Variants in ARHGEF26 observed in about 807,000 individuals in gnomAD.
The protein encoded by ARHGEF26 is Rho guanine nucleotide exchange factor 26, also known as Rho guanine nucleotide exchange factor (GEF) 26.
ARHGEF26 carries 59 observed loss-of-function variants against 89.4 expected under a neutral mutation model. The observed-to-expected ratio is 0.66, with a 90% CI of 0.54 to 0.82. The LOEUF (loss-of-function observed/expected upper bound fraction) is 0.82, where lower values mean the gene tolerates loss of function less well. Ranked by LOEUF, ARHGEF26 falls within the 40% of genes least tolerant of loss-of-function variation. ARHGEF26 has a pLI of 0.00. For synonymous variants in ARHGEF26, 500 were observed against 428.4 expected, an observed-to-expected ratio of 1.17 and a Z score of -2.06; for missense variants, 1,234 against 1,085.6, an observed-to-expected ratio of 1.14 and a Z score of -1.92.
At chr3:154,247,758 G>A (rs1177101875) in intron 12 of ARHGEF26, among the ~76,000 whole-genome samples, 1 of 152,110 alleles carries the variant, frequency 6.6e-6, no homozygotes, top group Non-Finnish European at 1.5e-5. Context: ...TTGCTATTAA[G>A]GATTCAGTCA....
In ARHGEF26 at chr3:154,122,609, C is replaced by T. The variant is rs1718043377; in HGVS notation, c.617C>T (p.Pro206Leu). The T allele has an allele frequency of 6.2e-7, 1 of 1,613,744 alleles. No individual in the cohort carries two copies. The highest frequency in any genetic ancestry group is 1.1e-5 in the South Asian group (1 of 91,082). ...CCCGAACGGGGGCTCTTTCCTGGGC[C>T]CCAGAAAAGTTCTTCGGAACAAAAA... ...KDPERGLFPG[P>L]QKSSSEQKLP... Residue 206 changes from proline to leucine, a missense_variant, in exon 2 of 15, where the codon CCC becomes CTC. Pro to Leu is a moderately conservative substitution (Grantham distance 98). Coordinates refer to ENST00000465093, the MANE Select transcript of ARHGEF26 (RefSeq NM_015595.4).
At position 154,162,776 on chromosome 3, in the gene ARHGEF26, A is replaced by G. The variant is rs577458657; in HGVS notation, c.1487+9844A>G. Among the ~76,000 whole-genome samples the G allele has an allele frequency of 9.2e-5, 14 of 152,270 alleles. No individual in the cohort carries two copies. The South Asian group carries it at 2.7e-3, about 29-fold the overall frequency. Reference sequence around the variant, plus strand: ...TTACCTCGCCCCCTGAGCTGCCGAGATAGGCTCTGGCCAGGTGTGACCCTG... The same window carrying G: ...TTACCTCGCCCCCTGAGCTGCCGAGGTAGGCTCTGGCCAGGTGTGACCCTG... On this transcript the variant is annotated intron_variant, in intron 6 of 14. Coordinates refer to ENST00000465093, the MANE Select transcript of ARHGEF26 (RefSeq NM_015595.4).
intron 11 of ARHGEF26, among the ~76,000 whole-genome samples, chr3:154,229,023 G>A (rs1434942556): frequency 6.6e-6 from 1 of 152,134 alleles, no homozygotes; most frequent in Non-Finnish European, 1.5e-5. Flanking sequence ...GATCCAGACT[G>A]GCAGAAGGTT....
At chr3:154,171,395 A>C (rs892410680) in intron 6 of ARHGEF26, among the ~76,000 whole-genome samples, 1 of 152,150 alleles carries the variant, frequency 6.6e-6, no homozygotes, top group African/African-American at 2.4e-5. Flanking sequence ...CATAATTTAC[A>C]TTACGGTTTG....
chr3:154,160,597 A>G (rs531817929), intron 6 of ARHGEF26, among the ~76,000 whole-genome samples: 1 of 152,264 alleles, frequency 6.6e-6, no homozygotes, highest in African/African-American at 2.4e-5. Context: ...AGGAAAGTTT[A>G]AATCTAGACT....
Position 154,181,534 on chromosome 3 carries a change from C to G in ARHGEF26, c.1488-6151C>G, listed in dbSNP as rs527383228. Among the ~76,000 whole-genome samples, 5 of 152,240 alleles carry G rather than the reference C, an allele frequency of 3.3e-5. No homozygotes were observed. The East Asian group carries it at 9.7e-4, about 29-fold the overall frequency. On this transcript the variant is annotated intron_variant, in intron 6 of 14. Transcript: ENST00000465093. The stretch of plus-strand genomic sequence containing the variant: ...ACCGGACAGCGGCATTGATTATAAC[C>G]AGAGCTCCTTTTTTTCTGTGTTTCC...
chr3:154,132,272 T>C (rs1043531091), intron 4 of ARHGEF26, among the ~76,000 whole-genome samples: 2 of 152,210 alleles, frequency 1.3e-5, no homozygotes, highest in African/African-American at 2.4e-5. Context: ...ATCACTCAGA[T>C]TGAACAAATG....
At chr3:154,149,870 T>C (rs1719915268) in intron 5 of ARHGEF26, among the ~76,000 whole-genome samples, 1 of 151,896 alleles carries the variant, frequency 6.6e-6, no homozygotes, top group African/African-American at 2.4e-5. Context: ...CTCTGAACCC[T>C]TTTTGCAAGT....
intron 4 of ARHGEF26, among the ~76,000 whole-genome samples, chr3:154,138,280 A>G (rs1026175960): frequency 6.6e-6 from 1 of 152,102 alleles, no homozygotes; most frequent in Non-Finnish European, 1.5e-5. Context: ...TTTTAGTTGG[A>G]GAGTATTTTT....
At chr3:154,186,165 A>ACACACACACACAC (rs766757043) in intron 6 of ARHGEF26, among the ~76,000 whole-genome samples, 6 of 150,138 alleles carry the variant, frequency 4.0e-5, no homozygotes, top group African/African-American at 1.5e-4. Context: ...ACACACACAC[A>ACACACACACACAC]CCCCTATACA....
intron 6 of ARHGEF26, among the ~76,000 whole-genome samples, chr3:154,174,840 A>T (rs1712698038): frequency 6.6e-6 from 1 of 152,168 alleles, no homozygotes; most frequent in Admixed American, 6.5e-5. Flanking sequence ...CTGAATTAAA[A>T]AATAGTTAAG....
intron 9 of ARHGEF26, 68 bp from the exon 10 acceptor site, chr3:154,217,801 A>G (rs2108246481): frequency 8.4e-7 from 1 of 1,184,732 alleles, no homozygotes; most frequent in Non-Finnish European, 1.2e-6. Context: ...TTCCTGTGAG[A>G]GTTCTGCTTT....
intron 4 of ARHGEF26, among the ~76,000 whole-genome samples, chr3:154,146,257 G>A (rs1346866699): frequency 1.3e-5 from 2 of 152,158 alleles, no homozygotes; most frequent in East Asian, 1.9e-4. Context: ...TTTAAAGGGC[G>A]TTAATCCCAT....
chr3:154,169,474 C>T (rs747880510), intron 6 of ARHGEF26, among the ~76,000 whole-genome samples: 2 of 151,884 alleles, frequency 1.3e-5, no homozygotes, highest in African/African-American at 4.8e-5. Context: ...TTCTGATGGT[C>T]GATTAAGTGC....
In ARHGEF26 at chr3:154,257,001, A is replaced by C; in HGVS notation, c.*1528A>C. 6.6e-7 allele frequency: 1 copy of C among 1,510,678 alleles called. No homozygotes were observed. Among genetic ancestry groups the C allele is most frequent in the Non-Finnish European group, 8.8e-7 (1 of 1,136,288 alleles). The allele number at this position is 1,510,678 out of a possible 1,614,324, so 93.6% of individuals were successfully genotyped here. On this transcript the variant is annotated 3_prime_UTR_variant, in exon 15 of 15. Transcript: ENST00000465093. ...CTATTTGCTTTAACAAAGGGATAAA[A>C]CCTGGCAAAGTGTACATTATTGGAG...
At position 154,128,825 on chromosome 3, in the gene ARHGEF26, A is replaced by C. The variant is rs534311637; in HGVS notation, c.1124-749A>C. On this transcript the variant is annotated intron_variant, in intron 3 of 14. Transcript: ENST00000465093. ...AGGCCTTCCTAAACTACCCTACTTA[A>C]CATCTACATGCCCTCCTCCCAGCGC... Among the ~76,000 whole-genome samples the C allele has an allele frequency of 2.5e-4, 38 of 152,162 alleles. 1 individual carries two copies. The highest frequency in any genetic ancestry group is 8.9e-4 in the African/African-American group (37 of 41,500).
chr3:154,124,581 C>T (rs1718213240), intron 3 of ARHGEF26, 132 bp downstream of exon 3: 1 of 798,100 alleles, frequency 1.3e-6, no homozygotes, highest in African/African-American at 1.8e-5. Context: ...ATTATACAGT[C>T]CAAAGCTTCT....
At chr3:154,212,254 C>T (rs1214382809) in intron 9 of ARHGEF26, among the ~76,000 whole-genome samples, 1 of 151,698 alleles carries the variant, frequency 6.6e-6, no homozygotes, top group Admixed American at 6.6e-5. Context: ...TTGCTTGAGC[C>T]CAGGTTGTTG....
rs1432896487 is a variant in ARHGEF26 at position 154,122,441 on chromosome 3, C to A, written c.449C>A (p.Pro150His). The A allele has an allele frequency of 1.2e-6, 2 of 1,611,904 alleles. No homozygotes were observed. Among genetic ancestry groups the A allele is most frequent in the Middle Eastern group, 1.7e-4 (1 of 6,050 alleles). ...PPPVLRPPRT[P>H]NAPAPCTPEE... is the part of the protein sequence containing the mutation. Reference sequence around the variant, plus strand: ...CCGGTTCTGCGCCCCCCGCGGACTCCTAACGCGCCCGCCCCCTGCACCCCC... The same window carrying A: ...CCGGTTCTGCGCCCCCCGCGGACTCATAACGCGCCCGCCCCCTGCACCCCC... The change falls in exon 2 of 15, where the codon CCT becomes CAT. Residue 150 changes from proline to histidine, a missense_variant. Physicochemically the swap from Pro to His is moderately conservative, Grantham distance 77. Transcript: ENST00000465093.
Sources: allele counts gnomAD v4.1 joint callset (sites outside exome capture counted in the v4.1 genomes callset), GRCh38; gene constraint gnomAD v4.1.1; transcripts MANE v1.5; gene names NCBI Gene and HGNC (gene_info 2026-07-23, HGNC 2026-07-21).